SP7: variants seen among roughly 807,000 people sequenced by gnomAD.
SP7 encodes transcription factor Sp7.
In SP7, 13 loss-of-function variants were observed where a neutral mutation model predicts 27.9. The ratio of observed to expected loss-of-function variants is 0.47; its 90% CI spans 0.30 to 0.74. SP7 has a LOEUF of 0.74. Among genes scored for constraint, SP7 ranks in the 30% least tolerant of loss-of-function variants. SP7 has a pLI of 0.06. For synonymous variants in SP7, 219 were observed against 226.7 expected, an observed-to-expected ratio of 0.97 and a Z score of 0.31; for missense variants, 525 against 558.0, an observed-to-expected ratio of 0.94 and a Z score of 0.60.
At position 53,329,162 on chromosome 12, in the gene SP7, GAGGGTAATCATT is replaced by G; in HGVS notation, c.268_279del (p.Asn90_Pro93del). On this transcript the variant is annotated inframe_deletion, in exon 3 of 3. Coordinates refer to ENST00000536324, the MANE Select transcript of SP7 (RefSeq NM_001173467.3). ...GGCCCAGGGAATGAGTGGGAAAAGG[GAGGGTAATCATT>G]AGCATAGCCTGAGGTGGGTGCTGGA... 1.2e-6 allele frequency: 2 copies of G among 1,613,888 alleles called. No individual in the cohort carries two copies. Among genetic ancestry groups the G allele is most frequent in the South Asian group, 1.1e-5 (1 of 91,078 alleles).
Position 53,328,037 on chromosome 12 carries a change from C to T in SP7, c.*109G>A. On this transcript the variant is annotated 3_prime_UTR_variant, in exon 3 of 3. Coordinates refer to ENST00000536324, the MANE Select transcript of SP7 (RefSeq NM_001173467.3). This position sits in a 1 kb window ranked among gnomAD's most constrained non-coding sequence, Gnocchi z 5.1. ...CCAGGAGGGAGACAGAGGGAGAGAG[C>T]CCCGAAGGATGGCATGCATGGGGTA... 1 of 1,161,542 alleles carries T rather than the reference C, an allele frequency of 8.6e-7. No homozygotes were observed. The allele number at this position is 1,161,542 out of a possible 1,614,324, so 72.0% of individuals were successfully genotyped here. A position where few individuals can be genotyped will look rare whatever the true frequency, so the allele number is the denominator to read the frequency against.
chr12:53,342,067 AAC>A (rs1253688736), intron 1 of SP7, among the ~76,000 whole-genome samples: 1 of 142,474 alleles, frequency 7.0e-6, no homozygotes, highest in East Asian at 2.1e-4. Flanking sequence ...CAAAAAAAAA[AAC>A]AAAAAACAAA....
Position 53,328,267 on chromosome 12 carries a change from C to G in SP7, c.1175G>C (p.Gly392Ala), listed in dbSNP as rs1259683835. The change falls in exon 3 of 3, where the codon GGG becomes GCG. Residue 392 changes from glycine to alanine, a missense_variant. Coordinates refer to ENST00000536324, the MANE Select transcript of SP7 (RefSeq NM_001173467.3). This position sits in a 1 kb window ranked among gnomAD's most constrained non-coding sequence, Gnocchi z 5.1. ...GPPPSGPKEL[G>A]EGRSTGEEEA... ...CTCTTCCCCCGTGCTGCGGCCCTCC[C>G]CCAGCTCCTTGGGGCCACTGGGAGG... The G allele has an allele frequency of 6.2e-7, 1 of 1,611,664 alleles. No individual in the cohort carries two copies. The highest frequency in any genetic ancestry group is 1.1e-5 in the South Asian group (1 of 90,720).
intron 1 of SP7, among the ~76,000 whole-genome samples, chr12:53,343,946 G>A (rs547239161): frequency 6.6e-4 from 101 of 152,246 alleles, no homozygotes; most frequent in African/African-American, 2.3e-3. Context: ...TACTTGGGAG[G>A]CTGAGACATG....
rs527920176 is a variant in SP7, at chr12:53,341,791, T to G, written c.-34+3323A>C. On this transcript the variant is annotated intron_variant, in intron 1 of 1. Coordinates refer to the SP7 transcript ENST00000547755. ...AAACCCTGTCTCAGGCTGGCCGAGGTGGCTCATGCCTGTAATCCCAGCACT... is the reference window on the plus strand; with the variant it reads ...AAACCCTGTCTCAGGCTGGCCGAGGGGGCTCATGCCTGTAATCCCAGCACT... Among the ~76,000 whole-genome samples the G allele has an allele frequency of 7.2e-5, 11 of 152,226 alleles. No homozygotes were observed. The East Asian group carries it at 1.5e-3, about 21-fold the overall frequency.
chr12:53,338,114 G>GAGA (rs1190103539), upstream of SP7, among the ~76,000 whole-genome samples: 5 of 148,656 alleles, frequency 3.4e-5, no homozygotes, highest in Non-Finnish European at 7.4e-5. Flanking sequence ...TCCGGAGGAG[G>GAGA]AGGAGGAGGA....
Position 53,328,871 on chromosome 12 carries a change from G to A in SP7, c.571C>T (p.Leu191=). 5 of 1,607,648 alleles carry A rather than the reference G, an allele frequency of 3.1e-6. No individual in the cohort carries two copies. Among genetic ancestry groups the A allele is most frequent in the Non-Finnish European group, 4.3e-6 (5 of 1,175,132 alleles). The change falls in exon 3 of 3, where the codon CTG becomes TTG. Residue 191 remains leucine, a synonymous_variant. Transcript: ENST00000536324. This position sits in a 1 kb window ranked among gnomAD's most constrained non-coding sequence, Gnocchi z 5.1. ...GGGTAGGTGGGCAGCTGGGGGTTCA[G>A]TGGAGGCTGAGCTGGACCTGTGGGC... ...TLPTGPAQPP[L]NPQLPTYPSD...
chr12:53,342,179 C>T (rs1944830237), intron 1 of SP7, among the ~76,000 whole-genome samples: 1 of 151,712 alleles, frequency 6.6e-6, no homozygotes, highest in South Asian at 2.1e-4. Flanking sequence ...AGGAGAATCA[C>T]TTGAACCCAG....
intron 2 of SP7, among the ~76,000 whole-genome samples, chr12:53,332,672 G>A (rs190483966): frequency 8.2e-4 from 125 of 152,036 alleles, no homozygotes; most frequent in African/African-American, 2.8e-3. Flanking sequence ...GAGAGATGAT[G>A]GAAAAGAGAC....
At position 53,344,150 on chromosome 12, in the gene SP7, C is replaced by A. The variant is rs1944844122; in HGVS notation, c.-34+964G>T. ...ATCAGATGTGAGGGGTGAGTAGTCA[C>A]ACATGACTTCCCTTGATCTGTGTGT... is the stretch of plus-strand genomic sequence containing the variant. On this transcript the variant is annotated intron_variant, in intron 1 of 1. Transcript: ENST00000547755. The surrounding 1 kb of genome is among the most constrained non-coding windows in gnomAD (Gnocchi z 4.6). 6.6e-6 allele frequency among the ~76,000 whole-genome samples: 1 copy of A among 152,130 alleles called. No homozygotes were observed. Among genetic ancestry groups the A allele is most frequent in the South Asian group, 2.1e-4 (1 of 4,826 alleles).
At chr12:53,331,798 G>A (rs1944708713) in intron 2 of SP7, among the ~76,000 whole-genome samples, 1 of 152,170 alleles carries the variant, frequency 6.6e-6, no homozygotes, top group Non-Finnish European at 1.5e-5. Flanking sequence ...TCCCAGTAAG[G>A]CTGAGAAAAG....
rs749364045 is a variant in SP7, at chr12:53,328,393, C to T, written c.1049G>A (p.Arg350Gln). The change falls in exon 3 of 3, where the codon CGG becomes CAG. Residue 350 changes from arginine to glutamine, a missense_variant. Arg to Gln is a conservative substitution (Grantham distance 43). Coordinates refer to ENST00000536324, the MANE Select transcript of SP7 (RefSeq NM_001173467.3). This position sits in a 1 kb window ranked among gnomAD's most constrained non-coding sequence, Gnocchi z 5.1. ...GAGCAGGCAGGTGAACTTCTTCTCCCGGGTGTGAGTGCGCACATGACGCTC... is the reference window on the plus strand; with the variant it reads ...GAGCAGGCAGGTGAACTTCTTCTCCTGGGTGTGAGTGCGCACATGACGCTC... ...ELERHVRTHTREKKFTCLLCS... is the reference protein window; with the variant it reads ...ELERHVRTHTQEKKFTCLLCS... 3.1e-6 allele frequency: 5 copies of T among 1,613,746 alleles called. No homozygotes were observed. Among genetic ancestry groups the T allele is most frequent in the Admixed American group, 1.7e-5 (1 of 59,990 alleles).
rs981827548 is a variant in SP7 at position 53,327,366 on chromosome 12, C to T, written c.*780G>A. On this transcript the variant is annotated 3_prime_UTR_variant, in exon 3 of 3. Coordinates refer to ENST00000536324, the MANE Select transcript of SP7 (RefSeq NM_001173467.3). ...GACATTCTATTAACAAGATCTTCTC[C>T]ACTAACATTTTGTCTATACAGAGAT... 14 of 152,524 alleles carry T rather than the reference C, an allele frequency of 9.2e-5. No individual in the cohort carries two copies. The highest frequency in any genetic ancestry group is 3.4e-4 in the African/African-American group (14 of 41,454). The allele number at this position is 152,524 out of a possible 1,614,324, so 9.4% of individuals were successfully genotyped here.
At position 53,335,620 on chromosome 12, in the gene SP7, A is replaced by C; in HGVS notation, c.21+6T>G. ...TGGTTTCCTGGGGGGAAGAGGGGAC[A>C]GTTACCTCAAGCAGGGAGGACGCCA... On this transcript the variant is annotated splice_donor_region_variant and intron_variant, in intron 2 of 2. Transcript: ENST00000536324. 2 of 1,452,070 alleles carry C rather than the reference A, an allele frequency of 1.4e-6. No individual in the cohort carries two copies. Among genetic ancestry groups the C allele is most frequent in the Non-Finnish European group, 1.9e-6 (2 of 1,076,146 alleles). The allele number at this position is 1,452,070 out of a possible 1,614,324, so 89.9% of individuals were successfully genotyped here.
intron 1 of SP7, 122 bp from the exon 2 acceptor site, chr12:53,335,815 G>A: frequency 1.4e-6 from 2 of 1,410,906 alleles, no homozygotes; most frequent in Non-Finnish European, 9.2e-7. Flanking sequence ...CTGTCTGTAG[G>A]GATCCACCCT....
At chr12:53,343,153 A>C (rs967459715) in intron 1 of SP7, among the ~76,000 whole-genome samples, 18 of 151,938 alleles carry the variant, frequency 1.2e-4, no homozygotes, top group Non-Finnish European at 2.4e-4. Flanking sequence ...AAAAAAAAAA[A>C]ACATAGTCTG....
chr12:53,340,573 C>T (rs574002349), upstream of SP7, among the ~76,000 whole-genome samples: 113 of 152,278 alleles, frequency 7.4e-4, no homozygotes, highest in Non-Finnish European at 1.3e-3. Flanking sequence ...CGCTGCTCTG[C>T]GGCCCCGCTG....
chr12:53,328,894 G>T lies in SP7; in HGVS notation c.548C>A (p.Pro183His), dbSNP rs374649964. 4.5e-5 allele frequency: 72 copies of T among 1,611,600 alleles called. No individual in the cohort carries two copies. Among genetic ancestry groups the T allele is most frequent in the Non-Finnish European group, 5.9e-5 (69 of 1,178,436 alleles). The change falls in exon 3 of 3, where the codon CCC becomes CAC. Residue 183 changes from proline to histidine, a missense_variant. Coordinates refer to ENST00000536324, the MANE Select transcript of SP7 (RefSeq NM_001173467.3). This position sits in a 1 kb window ranked among gnomAD's most constrained non-coding sequence, Gnocchi z 5.1. ...GQGDGLQGTL[P>H]TGPAQPPLNP... ...CAGTGGAGGCTGAGCTGGACCTGTG[G>T]GCAGTGTCCCTTGCAGCCCATCACC...
rs777024410 is a variant in SP7 at position 53,329,241 on chromosome 12, G to C, written c.201C>G (p.Pro67=). 1.9e-6 allele frequency: 3 copies of C among 1,613,840 alleles called. No homozygotes were observed. The Admixed American group carries it at 5.0e-5, about 27-fold the overall frequency. Residue 67 remains proline (P), a synonymous_variant, in exon 3 of 3, where the codon CCC becomes CCG. Transcript: ENST00000536324. ...AAAGGAGCCCATTAGTGCTTGTAAA[G>C]GGGGCTGGATAAGCATCCCCCATGG... ...SKTMGDAYPA[P]FTSTNGLLSP...
Sources: gnomAD v4.1 joint callset for allele counts (sites outside exome capture counted in the v4.1 genomes callset) on GRCh38, gnomAD v4.1.1 for gene constraint, Gnocchi (gnomAD v3.1) non-coding constraint, MANE v1.5 for transcripts, NCBI Gene and HGNC (gene_info 2026-07-23, HGNC 2026-07-21) for gene names.